The following NKAIN3 variants were observed in gnomAD, a reference collection of about 807,000 sequenced individuals.
NKAIN3 encodes the protein sodium/potassium-transporting ATPase subunit beta-1-interacting protein 3.
NKAIN3 carries 25 observed loss-of-function variants against 30.2 expected under a neutral mutation model. The ratio of observed to expected loss-of-function variants is 0.83; its 90% confidence interval spans 0.60 to 1.16. NKAIN3 has a LOEUF of 1.16. Among genes scored for constraint, NKAIN3 ranks in the 50% most tolerant of loss-of-function variants. The pLI is 0.00. For synonymous variants in NKAIN3, 91 were observed against 89.6 expected, an observed-to-expected ratio of 1.02 and a Z score of -0.09; for missense variants, 225 against 254.1, an observed-to-expected ratio of 0.89 and a Z score of 0.78.
At chr8:62,626,197 C>T (rs1811782353) in intron 3 of NKAIN3, among the ~76,000 whole-genome samples, 1 of 152,052 alleles carries the variant, frequency 6.6e-6, no homozygotes, top group Non-Finnish European at 1.5e-5. Flanking sequence ...ACTGATTCTG[C>T]CATTAACATA....
At chr8:62,718,477 C>T (rs1243917511) in intron 3 of NKAIN3, among the ~76,000 whole-genome samples, 1 of 152,130 alleles carries the variant, frequency 6.6e-6, no homozygotes, top group African/African-American at 2.4e-5. Flanking sequence ...TTCAATTCAC[C>T]TTGCTAATTC....
At chr8:62,364,954 C>A (rs1456661145) in intron 1 of NKAIN3, among the ~76,000 whole-genome samples, 2 of 151,446 alleles carry the variant, frequency 1.3e-5, no homozygotes, top group Non-Finnish European at 2.9e-5. Context: ...GAGTAATTGT[C>A]CAAGCTGCCC....
At chr8:62,266,843 C>A (rs897757259) in intron 1 of NKAIN3, among the ~76,000 whole-genome samples, 3 of 152,228 alleles carry the variant, frequency 2.0e-5, no homozygotes, top group Admixed American at 1.3e-4. Context: ...ACAATCCACC[C>A]TTTAATTTGT....
intron 3 of NKAIN3, among the ~76,000 whole-genome samples, chr8:62,660,830 T>C (rs1586060905): frequency 6.6e-6 from 1 of 152,200 alleles, no homozygotes; most frequent in Admixed American, 6.5e-5. Context: ...AGGAGATGTC[T>C]GGGAGACAGA....
intron 6 of NKAIN3, among the ~76,000 whole-genome samples, chr8:62,962,926 T>C (rs1823611551): frequency 6.6e-6 from 1 of 152,000 alleles, no homozygotes; most frequent in African/African-American, 2.4e-5. Flanking sequence ...AGTTTCGCTC[T>C]TGTTGCCCAG....
At chr8:62,846,212 C>T (rs1273012044) in intron 4 of NKAIN3, among the ~76,000 whole-genome samples, 1 of 152,116 alleles carries the variant, frequency 6.6e-6, no homozygotes, top group Non-Finnish European at 1.5e-5. Context: ...AAGAAAGAGG[C>T]ATGAACTAAA....
chr8:62,444,066 C>T (rs16928927), intron 1 of NKAIN3, among the ~76,000 whole-genome samples: 7,508 of 152,180 alleles, frequency 0.049, 270 homozygotes, highest in Admixed American at 0.09. Context: ...CTCTTTACCA[C>T]TATGACGTGC....
intron 4 of NKAIN3, among the ~76,000 whole-genome samples, chr8:62,804,631 G>C (rs1311643804): frequency 6.6e-6 from 1 of 152,102 alleles, no homozygotes; most frequent in African/African-American, 2.4e-5. Flanking sequence ...CAATAAATTA[G>C]GTATTGATGG....
rs751643910 is a variant in NKAIN3 at position 62,982,693 on chromosome 8, TTG to T, written c.*17288_*17289del. On this transcript the variant is annotated 3_prime_UTR_variant, in exon 7 of 7. Coordinates refer to ENST00000623646, the MANE Select transcript of NKAIN3 (RefSeq NM_001304533.3). ...TTTCCTTTACCTAGCTGTTGCCAAA[TTG>T]TCTCTTCTAGAAGAATGCCCAGATT... The T allele has an allele frequency of 6.6e-5, 10 of 152,192 alleles. No individual in the cohort carries two copies. The allele number at this position is 152,192 out of a possible 1,614,324, so 9.4% of individuals were successfully genotyped here.
rs555026102 is a variant in NKAIN3 at position 62,302,870 on chromosome 8, C to T, written c.54+53743C>T. Reference sequence around the variant, plus strand: ...TTCACAGTTTGTTTTCTCATGCTCCCTGGGATTTCTTTACAGTGGTAACAT... The same window carrying T: ...TTCACAGTTTGTTTTCTCATGCTCCTTGGGATTTCTTTACAGTGGTAACAT... On this transcript the variant is annotated intron_variant, in intron 1 of 6. Transcript: ENST00000623646. 1.1e-3 allele frequency among the ~76,000 whole-genome samples: 162 copies of T among 142,376 alleles called. 13 individuals carry two copies. The highest frequency in any genetic ancestry group is 4.8e-3 in the African/African-American group (156 of 32,336). 93.4% of individuals were successfully genotyped at this position (142,376 alleles called of 152,430 possible).
At chr8:62,468,099 G>A (rs188224508) in intron 1 of NKAIN3, among the ~76,000 whole-genome samples, 69 of 152,200 alleles carry the variant, frequency 4.5e-4, no homozygotes, top group African/African-American at 1.6e-3. Flanking sequence ...TCAGCCACAA[G>A]TAATTATTAT....
chr8:62,276,818 T>A (rs1055320167), intron 1 of NKAIN3, among the ~76,000 whole-genome samples: 2 of 152,196 alleles, frequency 1.3e-5, no homozygotes, highest in East Asian at 3.9e-4. Context: ...TTTGTTTAAG[T>A]CAAACATTGC....
chr8:62,741,362 A>AGAAGGAAGGAAGGAAG (rs200947376), intron 3 of NKAIN3, among the ~76,000 whole-genome samples: 5 of 137,948 alleles, frequency 3.6e-5, no homozygotes, highest in South Asian at 2.4e-4. Context: ...AGAGAGAGAA[A>AGAAGGAAGGAAGGAAG]GAAGGAAGGA....
chr8:62,475,083 C>A (rs1806475611), intron 1 of NKAIN3, among the ~76,000 whole-genome samples: 1 of 152,034 alleles, frequency 6.6e-6, no homozygotes, highest in South Asian at 2.1e-4. Context: ...CTCCTCCCTC[C>A]CAAAACTACA....
intron 5 of NKAIN3, among the ~76,000 whole-genome samples, chr8:62,991,269 G>T (rs1824314949): frequency 6.6e-6 from 1 of 152,088 alleles, no homozygotes; most frequent in Non-Finnish European, 1.5e-5. Context: ...ACCATGAGAG[G>T]GTGTTAGGTG....
At chr8:62,395,355 G>A (rs1048377536) in intron 1 of NKAIN3, among the ~76,000 whole-genome samples, 3 of 151,960 alleles carry the variant, frequency 2.0e-5, no homozygotes, top group African/African-American at 4.8e-5. Context: ...TTCCCAGACC[G>A]AGGGAGGTGG....
chr8:62,902,310 G>A (rs965168822), intron 4 of NKAIN3, among the ~76,000 whole-genome samples: 13 of 152,222 alleles, frequency 8.5e-5, no homozygotes, highest in African/African-American at 2.9e-4. Context: ...GTAAGAACAA[G>A]GGTTTTAAGT....
intron 4 of NKAIN3, among the ~76,000 whole-genome samples, chr8:62,891,422 T>A (rs7831888): frequency 0.1 from 15,755 of 152,222 alleles, 897 homozygotes; most frequent in Admixed American, 0.14. Flanking sequence ...TCTCTACTTT[T>A]GAGGTTTTGG....
At chr8:62,616,990 A>T (rs1811473940) in intron 3 of NKAIN3, among the ~76,000 whole-genome samples, 1 of 152,128 alleles carries the variant, frequency 6.6e-6, no homozygotes, top group African/African-American at 2.4e-5. Context: ...ATAGTGAATG[A>T]TTTATTGGGA....
Sources: allele counts gnomAD v4.1 joint callset (sites outside exome capture counted in the v4.1 genomes callset), GRCh38; gene constraint gnomAD v4.1.1; transcripts MANE v1.5; gene names NCBI Gene and HGNC (gene_info 2026-07-23, HGNC 2026-07-21).